Variants in FLT3 observed in about 807,000 individuals in gnomAD.
FLT3 encodes the protein fms related receptor tyrosine kinase 3.
In FLT3, 46 loss-of-function variants were observed where a neutral mutation model predicts 126.6. That is an observed-to-expected ratio of 0.36 (90% confidence interval 0.29 to 0.46). The LOEUF (loss-of-function observed/expected upper bound fraction) is 0.46. Among genes scored for constraint, FLT3 ranks in the 20% least tolerant of loss-of-function variants. FLT3 has a pLI of 1.00. For missense variants in FLT3, 1,069 were observed against 1,190.3 expected, an observed-to-expected ratio of 0.90 and a Z score of 1.50; for synonymous variants, 404 against 434.4, an observed-to-expected ratio of 0.93 and a Z score of 0.87.
rs759369573 is a variant in FLT3 at position 28,024,942 on chromosome 13, T to C, written c.2209A>G (p.Met737Val). 1.9e-6 allele frequency: 3 copies of C among 1,602,456 alleles called. No homozygotes were observed. The African/African-American group carries it at 4.0e-5, about 22-fold the overall frequency. Residue 737 changes from methionine to valine, a missense_variant and splice_region_variant, in exon 18 of 24, where the codon ATG (methionine) becomes GTG (valine). Met to Val is a conservative substitution (Grantham distance 21). Transcript: ENST00000241453. ...ATCTGAACTTCTCTTGAACCAGGCA[T>C]GCTATTAAAAAATTTTGTTTTTTCA... Reference protein sequence around the residue: ...PTFQSHPNSSMPGSREVQIHP... With the variant: ...PTFQSHPNSSVPGSREVQIHP...
At chr13:28,073,037 T>C (rs1416650493) in intron 1 of FLT3, among the ~76,000 whole-genome samples, 3 of 151,460 alleles carry the variant, frequency 2.0e-5, no homozygotes, top group Non-Finnish European at 4.4e-5. Context: ...CAAATATGCT[T>C]ATCTCTTTAA....
At chr13:28,031,845 G>A (rs1298467591) in intron 15 of FLT3, among the ~76,000 whole-genome samples, 1 of 152,184 alleles carries the variant, frequency 6.6e-6, no homozygotes, top group Non-Finnish European at 1.5e-5. Flanking sequence ...GAAATGTGAA[G>A]TAGGAAAGCC....
Position 28,009,045 on chromosome 13 carries a change from T to G in FLT3, c.2860-4871A>C, listed in dbSNP as rs192600440. On this transcript the variant is annotated intron_variant, in intron 23 of 23. Coordinates refer to ENST00000241453, the MANE Select transcript of FLT3 (RefSeq NM_004119.3). ...ATATTGGAGTGCAGCAGCCCAGTTA[T>G]AGCTCACTGCAGCCTCGACTTCCTG... Among the ~76,000 whole-genome samples, 3 of 152,214 alleles carry G rather than the reference T, an allele frequency of 2.0e-5. No individual in the cohort carries two copies. In the East Asian group the frequency reaches 5.8e-4, roughly 29 times the overall value.
At chr13:28,064,182 AT>A (rs1397141719) in intron 2 of FLT3, among the ~76,000 whole-genome samples, 1 of 152,242 alleles carries the variant, frequency 6.6e-6, no homozygotes, top group African/African-American at 2.4e-5. Context: ...AATACCCCTA[AT>A]ATAAAAAGAA....
At chr13:28,056,900 A>T (rs910671424) in intron 4 of FLT3, among the ~76,000 whole-genome samples, 1 of 152,226 alleles carries the variant, frequency 6.6e-6, no homozygotes, top group Non-Finnish European at 1.5e-5. Flanking sequence ...AGAAAGTTCT[A>T]TTGGATCACG....
At position 28,083,972 on chromosome 13, in the gene FLT3, T is replaced by C. The variant is rs1321376385; in HGVS notation, c.44-13360A>G. On this transcript the variant is annotated intron_variant, in intron 1 of 23. Coordinates refer to ENST00000241453, the MANE Select transcript of FLT3 (RefSeq NM_004119.3). ...CTAATTTTTTTGTTTTCTTTTTCTTTGATTTTTCACCCTGATGATTATTAC... is the reference window on the plus strand; with the variant it reads ...CTAATTTTTTTGTTTTCTTTTTCTTCGATTTTTCACCCTGATGATTATTAC... Among the ~76,000 whole-genome samples, 11 of 152,204 alleles carry C rather than the reference T, an allele frequency of 7.2e-5. 1 individual carries two copies.
chr13:28,037,769 C>A (rs1262115233), intron 9 of FLT3, among the ~76,000 whole-genome samples: 2 of 152,200 alleles, frequency 1.3e-5, no homozygotes, highest in Non-Finnish European at 2.9e-5. Context: ...AGGGGCCACA[C>A]AGCAGGAAGT....
At chr13:28,081,681 G>A (rs1878319032) in intron 1 of FLT3, among the ~76,000 whole-genome samples, 1 of 151,950 alleles carries the variant, frequency 6.6e-6, no homozygotes, top group Admixed American at 6.6e-5. Context: ...CCTTGTTTCT[G>A]ATCTTAGGGA....
intron 5 of FLT3, among the ~76,000 whole-genome samples, chr13:28,052,139 G>A (rs1339706541): frequency 6.6e-6 from 1 of 151,558 alleles, no homozygotes; most frequent in Non-Finnish European, 1.5e-5. Flanking sequence ...TTGTTGCCCA[G>A]GCTGGAGTGC....
At chr13:28,048,129 T>C (rs1875069029) in intron 9 of FLT3, 146 bp downstream of exon 9, 2 of 642,518 alleles carry the variant, frequency 3.1e-6, no homozygotes, top group Non-Finnish European at 2.7e-6. Flanking sequence ...CATCTGCTTA[T>C]TGTTTTCTTA....
intron 20 of FLT3, among the ~76,000 whole-genome samples, chr13:28,017,354 C>T (rs2504224): frequency 0.042 from 6,317 of 151,854 alleles, 444 homozygotes; most frequent in African/African-American, 0.14. Flanking sequence ...TCCCAAGTAG[C>T]TGAGACCACA....
intron 15 of FLT3, among the ~76,000 whole-genome samples, chr13:28,031,166 T>C (rs948854926): frequency 2.0e-5 from 3 of 151,634 alleles, no homozygotes; most frequent in Non-Finnish European, 1.5e-5. Flanking sequence ...AGGCGGAGCT[T>C]ACAGTGAGCT....
In FLT3 at chr13:28,004,176, T is replaced by C. The variant is rs2137578576; in HGVS notation, c.2860-2A>G. ...ACGGCCATCCACATTCTGATACATC[T>C]GAATGTGGGAAAGAGACAGAACACT... is the stretch of plus-strand genomic sequence containing the variant. On this transcript the variant is annotated splice_acceptor_variant, in intron 23 of 23. Coordinates refer to ENST00000241453, the MANE Select transcript of FLT3 (RefSeq NM_004119.3). LOFTEE classifies it high-confidence loss of function. The C allele has an allele frequency of 1.2e-6, 2 of 1,613,792 alleles. No homozygotes were observed. Among genetic ancestry groups the C allele is most frequent in the Non-Finnish European group, 1.7e-6 (2 of 1,179,756 alleles).
In FLT3 at chr13:28,019,963, A is replaced by G. The variant is rs575168487; in HGVS notation, c.2419-1374T>C. 4.1e-4 allele frequency among the ~76,000 whole-genome samples: 62 copies of G among 152,202 alleles called. 2 individuals carry two copies. Among genetic ancestry groups the G allele is most frequent in the African/African-American group, 1.5e-3 (61 of 41,526 alleles). On this transcript the variant is annotated intron_variant, in intron 19 of 23. Transcript: ENST00000241453. The stretch of plus-strand genomic sequence containing the variant: ...ATCCAAACCTAGGGATGCAACCACC[A>G]TTGCCCACATCCCTATTTCCAACCC...
Position 28,030,889 on chromosome 13 carries a change from G to A in FLT3, c.1943-2601C>T, listed in dbSNP as rs535012593. On this transcript the variant is annotated intron_variant, in intron 15 of 23. Transcript: ENST00000241453. ...ACTGCACTCCAGCCTGGGTGACAGA[G>A]TGAGACCCTATCTCAAAAAAAGAAA... is the stretch of plus-strand genomic sequence containing the variant. 2.4e-4 allele frequency among the ~76,000 whole-genome samples: 36 copies of A among 152,030 alleles called. No homozygotes were observed. In the East Asian group the frequency reaches 6.8e-3, roughly 29 times the overall value.
intron 4 of FLT3, among the ~76,000 whole-genome samples, chr13:28,056,069 C>A (rs1358412991): frequency 1.3e-5 from 2 of 152,096 alleles, no homozygotes; most frequent in East Asian, 3.9e-4. Context: ...GACTTTAGAA[C>A]CTTACTCCAC....
chr13:28,027,435 A>G (rs1034886249), intron 16 of FLT3, among the ~76,000 whole-genome samples, 194 bp from the exon 17 acceptor site: 1 of 152,244 alleles, frequency 6.6e-6, no homozygotes, highest in Non-Finnish European at 1.5e-5. Flanking sequence ...TTTGGAAAGC[A>G]GCATCTTCTT....
At chr13:28,074,376 TA>T (rs1453689702) in intron 1 of FLT3, among the ~76,000 whole-genome samples, 1 of 152,250 alleles carries the variant, frequency 6.6e-6, no homozygotes, top group Non-Finnish European at 1.5e-5. Flanking sequence ...CTGCTATTTA[TA>T]TAAAAGTCTT....
chr13:28,032,068 A>G (rs2137666890), intron 15 of FLT3, among the ~76,000 whole-genome samples: 1 of 152,282 alleles, frequency 6.6e-6, no homozygotes, highest in African/African-American at 2.4e-5. Context: ...GGTGTTAGAA[A>G]GAGGAAGGTG....
Sources: gnomAD v4.1 joint callset for allele counts (sites outside exome capture counted in the v4.1 genomes callset) on GRCh38, gnomAD v4.1.1 for gene constraint, MANE v1.5 for transcripts, NCBI Gene and HGNC (gene_info 2026-07-23, HGNC 2026-07-21) for gene names.